The following MCPH1 variants were observed in gnomAD, a reference collection of about 807,000 sequenced individuals.
MCPH1 encodes the protein microcephalin 1, also known as microcephalin.
In MCPH1, 104 loss-of-function variants were observed where a neutral mutation model predicts 84.5. That is an observed-to-expected ratio of 1.23 (90% CI 1.05 to 1.45). The LOEUF (loss-of-function observed/expected upper bound fraction) is 1.45. Among genes scored for constraint, MCPH1 ranks in the 40% most tolerant of loss-of-function variants. The pLI is 0.00. For missense variants in MCPH1, 1,498 were observed against 1,005.7 expected, an observed-to-expected ratio of 1.49 and a Z score of -6.62; for synonymous variants, 514 against 366.8, an observed-to-expected ratio of 1.40 and a Z score of -4.58.
chr8:6,611,110 ACACT>A (rs965684307), intron 12 of MCPH1, among the ~76,000 whole-genome samples: 1 of 143,046 alleles, frequency 7.0e-6, no homozygotes, highest in African/African-American at 2.9e-5. Flanking sequence ...ACATACACAC[ACACT>A]CTCTCACACA....
intron 12 of MCPH1, chr8:6,508,984 C>T: frequency 6.2e-7 from 1 of 1,614,152 alleles, no homozygotes; most frequent in Admixed American, 1.7e-5. Context: ...TGTCTCCATC[C>T]TTTGTGCTAA....
intron 11 of MCPH1, among the ~76,000 whole-genome samples, chr8:6,481,658 C>T (rs1405650720): frequency 6.6e-6 from 1 of 152,180 alleles, no homozygotes; most frequent in Non-Finnish European, 1.5e-5. Flanking sequence ...CATGTATTTT[C>T]AAGAATGGCC....
chr8:6,562,511 C>A, intron 12 of MCPH1: 1 of 753,346 alleles, frequency 1.3e-6, no homozygotes, highest in South Asian at 3.4e-5. Context: ...TTGAGGGTAC[C>A]AGCAACCCGC....
intron 12 of MCPH1, chr8:6,562,634 A>C (rs754442794): frequency 6.7e-7 from 1 of 1,496,110 alleles, no homozygotes; most frequent in Non-Finnish European, 9.0e-7. Context: ...AGACAGATGG[A>C]TTTTTTTCCT....
chr8:6,641,804 A>G (rs947280818), intron 13 of MCPH1, among the ~76,000 whole-genome samples: 1 of 152,208 alleles, frequency 6.6e-6, no homozygotes, highest in Admixed American at 6.5e-5. Context: ...GAGAGAATTA[A>G]GTAGTATGCC....
intron 9 of MCPH1, among the ~76,000 whole-genome samples, chr8:6,472,496 C>T (rs983852131): frequency 3.3e-5 from 5 of 152,042 alleles, no homozygotes; most frequent in Non-Finnish European, 7.4e-5. Flanking sequence ...GATGGAGACT[C>T]ACTCTGTCGC....
chr8:6,611,364 G>T (rs905588882), intron 12 of MCPH1, among the ~76,000 whole-genome samples: 2 of 152,098 alleles, frequency 1.3e-5, no homozygotes, highest in African/African-American at 4.8e-5. Context: ...GGTAAATCAG[G>T]GGTTGCCACA....
At chr8:6,439,240 A>G (rs760112624) in intron 6 of MCPH1, 144 bp downstream of exon 6, 5 of 824,852 alleles carry the variant, frequency 6.1e-6, no homozygotes, top group African/African-American at 1.7e-5. Flanking sequence ...TTTGTTTTCC[A>G]GAAAATCTTA....
intron 12 of MCPH1, chr8:6,617,086 C>G (rs970239824): frequency 6.6e-6 from 1 of 151,988 alleles, no homozygotes; most frequent in Non-Finnish European, 1.5e-5. Context: ...ATGCTTCCTA[C>G]CTTGTAGGAA....
rs527312312 is a variant in MCPH1, at chr8:6,600,047, C to T, written c.2215-21407C>T. ...GGTCAATAAAGTAACCTTTTCCCCACAGGAGCTGGTTAATAGTTCGCTTCA... is the reference window on the plus strand; with the variant it reads ...GGTCAATAAAGTAACCTTTTCCCCATAGGAGCTGGTTAATAGTTCGCTTCA... On this transcript the variant is annotated intron_variant, in intron 12 of 13. Coordinates refer to ENST00000344683, the MANE Select transcript of MCPH1 (RefSeq NM_024596.5). Among the ~76,000 whole-genome samples, 374 of 152,358 alleles carry T rather than the reference C, an allele frequency of 2.5e-3. 1 individual carries two copies. The highest frequency in any genetic ancestry group is 0.017 in the Middle Eastern group (5 of 294).
chr8:6,438,298 A>G (rs898300404), intron 5 of MCPH1, among the ~76,000 whole-genome samples: 1 of 152,272 alleles, frequency 6.6e-6, no homozygotes, highest in African/African-American at 2.4e-5. Context: ...GTATATTGTC[A>G]GAACTACAGT....
At chr8:6,532,577 A>AAG (rs1408319562) in intron 12 of MCPH1, 83 of 795,358 alleles carry the variant, frequency 1.0e-4, no homozygotes, top group African/African-American at 9.4e-4. Flanking sequence ...CTATCTTTAA[A>AAG]AAAAAAAAAA....
rs1829485071 is a variant in MCPH1, at chr8:6,602,941, G to A, written c.2215-18513G>A. On this transcript the variant is annotated intron_variant, in intron 12 of 13. Coordinates refer to ENST00000344683, the MANE Select transcript of MCPH1 (RefSeq NM_024596.5). ...TATGTATATTTGTGTGTGCATGTGT[G>A]TCTGTGTACATAGGCGCATGTGTGT... Among the ~76,000 whole-genome samples the A allele has an allele frequency of 1.3e-5, 2 of 152,000 alleles. 1 individual carries two copies. The highest frequency in any genetic ancestry group is 4.2e-4 in the South Asian group (2 of 4,816).
intron 13 of MCPH1, chr8:6,625,212 G>A: frequency 1.0e-6 from 1 of 985,400 alleles, no homozygotes; most frequent in Non-Finnish European, 1.2e-6. Context: ...TTTACTTCAT[G>A]TATAAAACAG....
chr8:6,511,341 T>C (rs1815050695), intron 12 of MCPH1, among the ~76,000 whole-genome samples: 2 of 152,034 alleles, frequency 1.3e-5, no homozygotes, highest in Admixed American at 1.3e-4. Flanking sequence ...TATATAACAG[T>C]GGAGTAAAGA....
chr8:6,458,611 T>C (rs1805953466), intron 9 of MCPH1, among the ~76,000 whole-genome samples: 1 of 152,142 alleles, frequency 6.6e-6, no homozygotes, highest in African/African-American at 2.4e-5. Context: ...AAGAATGATA[T>C]AAATTTCTTA....
rs375351799 is a variant in MCPH1, at chr8:6,414,841, A to G, written c.191A>G (p.Gln64Arg). The change falls in exon 3 of 14, where the codon CAG becomes CGG. Residue 64 changes from glutamine to arginine, a missense_variant. Transcript: ENST00000344683. Reference protein sequence around the residue: ...DGYQSTWDKAQKRGVKLVSVL... With the variant: ...DGYQSTWDKARKRGVKLVSVL... ...TACCAGAGCACTTGGGACAAAGCTC[A>G]GAAGAGAGGCGTAAAGCTCGTTTCG... 14 of 1,613,348 alleles carry G rather than the reference A, an allele frequency of 8.7e-6. No homozygotes were observed. Among genetic ancestry groups the G allele is most frequent in the South Asian group, 1.1e-5 (1 of 91,074 alleles).
intron 1 of MCPH1, among the ~76,000 whole-genome samples, chr8:6,408,566 CTT>C (rs1798071779): frequency 6.6e-6 from 1 of 151,982 alleles, no homozygotes; most frequent in Non-Finnish European, 1.5e-5. Flanking sequence ...GAGGCAAGGT[CTT>C]TCTCTGCTGC....
At chr8:6,559,176 T>G (rs1825118436) in intron 12 of MCPH1, among the ~76,000 whole-genome samples, 1 of 151,664 alleles carries the variant, frequency 6.6e-6, no homozygotes, top group Non-Finnish European at 1.5e-5. Context: ...GCCCTGGGTT[T>G]TATTGTTGTT....
Sources: gnomAD v4.1 joint callset for allele counts (sites outside exome capture counted in the v4.1 genomes callset) on GRCh38, gnomAD v4.1.1 for gene constraint, MANE v1.5 for transcripts, NCBI Gene and HGNC (gene_info 2026-07-23, HGNC 2026-07-21) for gene names.